CACNA2D1: variants seen among roughly 807,000 people sequenced by gnomAD.
The protein encoded by CACNA2D1 is calcium voltage-gated channel auxiliary subunit alpha2delta 1, also known as voltage-dependent calcium channel subunit alpha-2/delta-1.
Under a neutral mutation model 171.5 loss-of-function variants are expected in CACNA2D1, and 53 were observed. The ratio of observed to expected loss-of-function variants is 0.31; its 90% confidence interval spans 0.25 to 0.39. The LOEUF (loss-of-function observed/expected upper bound fraction) is 0.39. Ranked by LOEUF, CACNA2D1 falls within the 10% of genes least tolerant of loss-of-function variation. The probability of loss-of-function intolerance (pLI) is 1.00; values close to 1 mark genes in which losing one functional copy is unlikely to be tolerated. For synonymous variants in CACNA2D1, 442 were observed against 443.1 expected (o/e 1.00, Z 0.03); for missense variants, 903 against 1,299.8 (o/e 0.69, Z 4.69).
At chr7:82,289,286 T>C (rs1268107065) in intron 3 of CACNA2D1, among the ~76,000 whole-genome samples, 1 of 152,028 alleles carries the variant, frequency 6.6e-6, no homozygotes, top group Non-Finnish European at 1.5e-5. Context: ...CAAACATCTT[T>C]TGACACCTCA....
intron 5 of CACNA2D1, among the ~76,000 whole-genome samples, 157 bp from the exon 6 acceptor site, chr7:82,117,330 C>T (rs1789181959): frequency 6.6e-6 from 1 of 152,100 alleles, no homozygotes; most frequent in Non-Finnish European, 1.5e-5. Flanking sequence ...ACACAAATTT[C>T]CATTCAGGTA....
At chr7:82,366,903 CTTTTTTTTTTTTTTT>C (rs71093376) in intron 1 of CACNA2D1, among the ~76,000 whole-genome samples, 1 of 86,944 alleles carries the variant, frequency 1.2e-5, no homozygotes, top group Admixed American at 1.6e-4. Context: ...TGGTTTTGAC[CTTTTTTTTTTTTTTT>C]TTTTTTTTGA....
intron 10 of CACNA2D1, among the ~76,000 whole-genome samples, chr7:82,038,851 C>T (rs772968060): frequency 3.9e-5 from 6 of 152,114 alleles, no homozygotes; most frequent in Non-Finnish European, 5.9e-5. Context: ...CCCTGAACAG[C>T]AGAGAGGCTG....
chr7:82,128,395 T>C (rs1790583172), intron 5 of CACNA2D1, among the ~76,000 whole-genome samples: 1 of 152,222 alleles, frequency 6.6e-6, no homozygotes, highest in Non-Finnish European at 1.5e-5. Context: ...TGAATATAAA[T>C]AGCATTGCTC....
chr7:82,194,322 C>G (rs1798637119), intron 3 of CACNA2D1, among the ~76,000 whole-genome samples: 1 of 151,868 alleles, frequency 6.6e-6, no homozygotes, highest in Non-Finnish European at 1.5e-5. Flanking sequence ...TTGCTTTGTG[C>G]CAAAAATGAC....
chr7:82,195,544 G>C lies in CACNA2D1; in HGVS notation c.295-24935C>G, dbSNP rs533960503. Among the ~76,000 whole-genome samples, 3 of 151,828 alleles carry C rather than the reference G, an allele frequency of 2.0e-5. No homozygotes were observed. The East Asian group carries it at 5.8e-4, about 29-fold the overall frequency. Reference sequence around the variant, plus strand: ...CTGGATTTTTGTTTTTAGGTCTGTAGAATATTGTAGGGACAAATAAATTGC... The same window carrying C: ...CTGGATTTTTGTTTTTAGGTCTGTACAATATTGTAGGGACAAATAAATTGC... On this transcript the variant is annotated intron_variant, in intron 3 of 38. Coordinates refer to ENST00000356860, the MANE Select transcript of CACNA2D1 (RefSeq NM_000722.4).
intron 36 of CACNA2D1, among the ~76,000 whole-genome samples, chr7:81,961,426 G>A (rs1794102595): frequency 1.3e-5 from 2 of 151,532 alleles, no homozygotes; most frequent in African/African-American, 2.4e-5. Context: ...AAGACTAGAA[G>A]TAAAAACAAA....
chr7:81,997,158 A>C, intron 19 of CACNA2D1, 21 bp downstream of exon 19: 1 of 1,410,340 alleles, frequency 7.1e-7, no homozygotes, highest in Non-Finnish European at 1.0e-6. Flanking sequence ...GGAATTGTTT[A>C]GTCTTACTGA....
At chr7:82,050,100 C>T (rs930238028) in intron 10 of CACNA2D1, among the ~76,000 whole-genome samples, 4 of 152,214 alleles carry the variant, frequency 2.6e-5, no homozygotes, top group Middle Eastern at 3.4e-3. Flanking sequence ...ATACATTAGG[C>T]ATATTTTAGA....
chr7:82,257,481 G>A lies in CACNA2D1; in HGVS notation c.294+77654C>T, dbSNP rs138299908. Among the ~76,000 whole-genome samples the A allele has an allele frequency of 1.8e-4, 28 of 152,250 alleles. 1 individual carries two copies. The East Asian group carries it at 2.7e-3, about 15-fold the overall frequency. ...CAATCCACTGAATCAAATTGTACTC[G>A]TTTTGATTCAAAGCCAATGTGGTAA... On this transcript the variant is annotated intron_variant, in intron 3 of 38. Transcript: ENST00000356860.
At chr7:82,328,491 C>A (rs1425109142) in intron 3 of CACNA2D1, among the ~76,000 whole-genome samples, 2 of 152,140 alleles carry the variant, frequency 1.3e-5, no homozygotes, top group African/African-American at 4.8e-5. Flanking sequence ...AAATCTTCAA[C>A]AAAAACTGTC....
intron 3 of CACNA2D1, among the ~76,000 whole-genome samples, chr7:82,217,910 A>T (rs909205740): frequency 7.0e-6 from 1 of 143,766 alleles, no homozygotes; most frequent in South Asian, 2.3e-4. Context: ...CCAAGACTAC[A>T]TTATTTATTT....
rs3801774 is a variant in CACNA2D1 at position 81,998,264 on chromosome 7, T to G, written c.1591-1014A>C. ...ATTTTAGAAACTGAATTTTTAATTTTTATTAAAATATTACCTAAATCTGAT... is the reference window on the plus strand; with the variant it reads ...ATTTTAGAAACTGAATTTTTAATTTGTATTAAAATATTACCTAAATCTGAT... On this transcript the variant is annotated intron_variant, in intron 18 of 38. Transcript: ENST00000356860. 4.0e-3 allele frequency among the ~76,000 whole-genome samples: 605 copies of G among 152,152 alleles called. 1 individual carries two copies. Among genetic ancestry groups the G allele is most frequent in the East Asian group, 0.02 (103 of 5,184 alleles).
intron 7 of CACNA2D1, among the ~76,000 whole-genome samples, chr7:82,081,390 G>A (rs76273181): frequency 0.017 from 2,628 of 152,122 alleles, 59 homozygotes; most frequent in African/African-American, 0.054. Flanking sequence ...CACTTTTAAA[G>A]TTATGACATT....
At chr7:82,403,318 ATTAG>A (rs1490034734) in intron 1 of CACNA2D1, among the ~76,000 whole-genome samples, 25 of 152,326 alleles carry the variant, frequency 1.6e-4, no homozygotes, top group Middle Eastern at 3.4e-3. Context: ...ATATCTTTGT[ATTAG>A]TTAGAATTTT....
intron 3 of CACNA2D1, among the ~76,000 whole-genome samples, chr7:82,258,274 T>C (rs1323459567): frequency 6.6e-6 from 1 of 151,962 alleles, no homozygotes; most frequent in African/African-American, 2.4e-5. Flanking sequence ...AGTTCTCTTT[T>C]TCACCTACTC....
At chr7:82,402,670 C>A (rs1428740723) in intron 1 of CACNA2D1, among the ~76,000 whole-genome samples, 1 of 123,742 alleles carries the variant, frequency 8.1e-6, no homozygotes, top group Admixed American at 1.0e-4. Context: ...CAGATCACTG[C>A]ACTTCAGCCA....
At chr7:82,051,535 G>A (rs994598307) in intron 10 of CACNA2D1, among the ~76,000 whole-genome samples, 9 of 152,078 alleles carry the variant, frequency 5.9e-5, no homozygotes, top group African/African-American at 1.9e-4. Flanking sequence ...AAGCTTCCAC[G>A]AGGAAAACTG....
rs1824828206 is a variant in CACNA2D1 at position 82,389,390 on chromosome 7, T to C, written c.96-39741A>G. On this transcript the variant is annotated intron_variant, in intron 1 of 38. Coordinates refer to ENST00000356860, the MANE Select transcript of CACNA2D1 (RefSeq NM_000722.4). ...ACTTTGAATGTTCATGTTGATAGTA[T>C]TTAACAAACACTTTGATCCCAATAT... 3.9e-5 allele frequency among the ~76,000 whole-genome samples: 6 copies of C among 152,176 alleles called. No individual in the cohort carries two copies. In the South Asian group the frequency reaches 1.2e-3, roughly 32 times the overall value.
Sources: gnomAD v4.1 joint callset for allele counts (sites outside exome capture counted in the v4.1 genomes callset) on GRCh38, gnomAD v4.1.1 for gene constraint, MANE v1.5 for transcripts, NCBI Gene and HGNC (gene_info 2026-07-23, HGNC 2026-07-21) for gene names.